Variants in TEX9 observed in about 807,000 individuals in gnomAD.
TEX9 encodes the protein testis-expressed protein 9.
TEX9 carries 74 observed loss-of-function variants against 59.6 expected under a neutral mutation model. That is an observed-to-expected ratio of 1.24 (90% confidence interval 1.03 to 1.51). The LOEUF (loss-of-function observed/expected upper bound fraction) is 1.51. Ranked by LOEUF, TEX9 falls within the 40% of genes most tolerant of loss-of-function variation. The probability of loss-of-function intolerance (pLI) is 0.00; values close to 1 mark genes in which losing one functional copy is unlikely to be tolerated. For missense variants in TEX9, 522 were observed against 447.8 expected (o/e 1.17, Z -1.49); for synonymous variants, 186 against 152.2 (o/e 1.22, Z -1.64).
At chr15:56,449,662 A>G (rs2050934898), downstream of TEX9, among the ~76,000 whole-genome samples, 1 of 152,116 alleles carries the variant, frequency 6.6e-6, no homozygotes, top group Non-Finnish European at 1.5e-5. Flanking sequence ...TTTGTCCTGA[A>G]TGTTTGGTAA....
chr15:56,351,640 A>C (rs2046582823), intron 1 of TEX9, among the ~76,000 whole-genome samples: 1 of 152,234 alleles, frequency 6.6e-6, no homozygotes, highest in Non-Finnish European at 1.5e-5. Context: ...AAAAAGGCCT[A>C]GCTACAGGTC....
chr15:56,267,271 G>A lies in TEX9; in HGVS notation c.-107+22993G>A, dbSNP rs1000628030. Among the ~76,000 whole-genome samples the A allele has an allele frequency of 2.0e-5, 3 of 152,284 alleles. 1 individual carries two copies. Among genetic ancestry groups the A allele is most frequent in the Admixed American group, 6.5e-5 (1 of 15,308 alleles). On this transcript the variant is annotated intron_variant, in intron 1 of 5. Coordinates refer to the TEX9 transcript ENST00000560827. ...GATTGCAAAAATTTTCTCCCATTCT[G>A]TAGGTTGCCTGTTCACTCTGATGGT...
intron 1 of TEX9, among the ~76,000 whole-genome samples, chr15:56,303,271 A>G (rs1388715764): frequency 6.6e-6 from 1 of 152,236 alleles, no homozygotes; most frequent in Non-Finnish European, 1.5e-5. Flanking sequence ...TCTCTTCAGC[A>G]TATGGATCAT....
At chr15:56,387,068 G>A (rs1311433556) in intron 4 of TEX9, among the ~76,000 whole-genome samples, 10 of 151,768 alleles carry the variant, frequency 6.6e-5, no homozygotes, top group Admixed American at 2.0e-4. Context: ...CGTAGTATAC[G>A]TATCCTCCAG....
At chr15:56,285,748 A>T (rs970100472) in intron 1 of TEX9, among the ~76,000 whole-genome samples, 1 of 152,206 alleles carries the variant, frequency 6.6e-6, no homozygotes. Flanking sequence ...CCATGGCACA[A>T]AGTTAAATCC....
At chr15:56,315,706 A>G (rs1288204814) in intron 1 of TEX9, among the ~76,000 whole-genome samples, 1 of 143,502 alleles carries the variant, frequency 7.0e-6, no homozygotes, top group Non-Finnish European at 1.6e-5. Context: ...CTGCCTTGCT[A>G]GATTGGGGAA....
At chr15:56,348,228 G>T (rs2046509848) in intron 1 of TEX9, among the ~76,000 whole-genome samples, 1 of 151,924 alleles carries the variant, frequency 6.6e-6, no homozygotes, top group Admixed American at 6.6e-5. Context: ...ATAAAAGGAG[G>T]GGATTAAGAT....
chr15:56,404,080 A>T (rs1310622985), intron 9 of TEX9, among the ~76,000 whole-genome samples: 1 of 152,144 alleles, frequency 6.6e-6, no homozygotes, highest in Admixed American at 6.6e-5. Flanking sequence ...GGGCAAGGAC[A>T]CTTCATGACT....
chr15:56,401,051 T>G (rs1350801609), intron 9 of TEX9, among the ~76,000 whole-genome samples: 3 of 151,928 alleles, frequency 2.0e-5, no homozygotes, highest in African/African-American at 7.3e-5. Flanking sequence ...AGACCATCAA[T>G]GAGAAGAAGA....
chr15:56,308,579 A>AT (rs372070064), intron 1 of TEX9, among the ~76,000 whole-genome samples: 6,682 of 152,040 alleles, frequency 0.044, 223 homozygotes, highest in Admixed American at 0.086. Context: ...CAGTTTATCT[A>AT]TTTTTTCTTT....
At chr15:56,425,554 G>A (rs1425360425) in intron 10 of TEX9, among the ~76,000 whole-genome samples, 1 of 151,906 alleles carries the variant, frequency 6.6e-6, no homozygotes, top group East Asian at 1.9e-4. Flanking sequence ...TTTAGAATTT[G>A]TTTGGTTCTT....
At chr15:56,404,972 G>A (rs2049003673) in intron 9 of TEX9, among the ~76,000 whole-genome samples, 1 of 152,048 alleles carries the variant, frequency 6.6e-6, no homozygotes, top group South Asian at 2.1e-4. Context: ...CACACACCAG[G>A]GCCTGTCTGG....
intron 12 of TEX9, among the ~76,000 whole-genome samples, chr15:56,431,972 TA>T (rs1251875504): frequency 1.3e-5 from 2 of 152,118 alleles, no homozygotes; most frequent in Non-Finnish European, 2.9e-5. Flanking sequence ...TGCTCACTCT[TA>T]AATAATCACA....
chr15:56,456,459 T>C, the TEX9 span: 1 of 1,612,556 alleles, frequency 6.2e-7, no homozygotes, highest in Admixed American at 1.7e-5. Context: ...GTTTTGCCAA[T>C]TCCATAGCCA....
chr15:56,274,311 C>T (rs1325049798), intron 1 of TEX9, among the ~76,000 whole-genome samples: 5 of 152,090 alleles, frequency 3.3e-5, no homozygotes, highest in Non-Finnish European at 7.4e-5. Context: ...TCTAGTATTT[C>T]CATTAATTTC....
intron 1 of TEX9, among the ~76,000 whole-genome samples, chr15:56,296,178 C>T (rs1190816734): frequency 6.6e-6 from 1 of 152,200 alleles, no homozygotes; most frequent in African/African-American, 2.4e-5. Flanking sequence ...AAGTGCACCC[C>T]AGTATTATAT....
intron 1 of TEX9, among the ~76,000 whole-genome samples, chr15:56,262,726 T>C (rs1456236364): frequency 6.6e-6 from 1 of 152,170 alleles, no homozygotes; most frequent in African/African-American, 2.4e-5. Context: ...TGATTAAGAT[T>C]TTGTCTGTTT....
intron 1 of TEX9, among the ~76,000 whole-genome samples, chr15:56,335,556 TAGAA>T (rs2046242138): frequency 6.6e-6 from 1 of 151,988 alleles, no homozygotes; most frequent in African/African-American, 2.4e-5. Flanking sequence ...AAAAAATAGT[TAGAA>T]AGATTAAATA....
At chr15:56,456,752 C>T in the TEX9 span, among the ~76,000 whole-genome samples, 2 of 151,978 alleles carry the variant, frequency 1.3e-5, no homozygotes, top group Non-Finnish European at 2.9e-5. Context: ...TCTCAGGTAC[C>T]CATCACACAT....
Sources: gnomAD v4.1 joint callset for allele counts (sites outside exome capture counted in the v4.1 genomes callset) on GRCh38, gnomAD v4.1.1 for gene constraint, MANE v1.5 for transcripts, NCBI Gene and HGNC (gene_info 2026-07-23, HGNC 2026-07-21) for gene names.